VRK2: variants seen among roughly 807,000 people sequenced by gnomAD.
VRK2 encodes VRK serine/threonine kinase 2.
A neutral mutation model predicts 57.6 loss-of-function variants in VRK2; 60 were observed. The observed-to-expected ratio is 1.04, with a 90% CI of 0.85 to 1.29. The LOEUF is 1.29. VRK2 is among the 50% of genes most tolerant of loss of function. VRK2 has a pLI of 0.00. For missense variants in VRK2, 705 were observed against 588.1 expected (o/e 1.20, Z -2.06); for synonymous variants, 231 against 199.2 (o/e 1.16, Z -1.35).
chr2:58,158,684 C>T (rs1267069269), intron 12 of VRK2, among the ~76,000 whole-genome samples: 2 of 152,154 alleles, frequency 1.3e-5, no homozygotes, highest in East Asian at 1.9e-4. Context: ...GATCAGGAAA[C>T]TGATTCCTGG....
chr2:58,099,224 C>G (rs1307971213), intron 7 of VRK2, among the ~76,000 whole-genome samples: 1 of 151,978 alleles, frequency 6.6e-6, no homozygotes, highest in Non-Finnish European at 1.5e-5. Context: ...TGCAGATGCT[C>G]ACATCTGGAA....
chr2:58,151,488 T>C (rs910592150), intron 12 of VRK2, among the ~76,000 whole-genome samples: 1 of 151,768 alleles, frequency 6.6e-6, no homozygotes, highest in African/African-American at 2.4e-5. Context: ...GTAACTAGCA[T>C]ATAGTTGAGC....
chr2:58,001,944 T>C (rs1439873450), intron 1 of VRK2, among the ~76,000 whole-genome samples: 4 of 152,188 alleles, frequency 2.6e-5, no homozygotes, highest in African/African-American at 9.7e-5. Flanking sequence ...GATCATGATA[T>C]TCATACCTTT....
intron 2 of VRK2, among the ~76,000 whole-genome samples, chr2:58,054,166 G>T (rs1676169052): frequency 1.3e-5 from 2 of 151,958 alleles, no homozygotes; most frequent in Admixed American, 1.3e-4. Flanking sequence ...TCCATTAAAA[G>T]GGAGATTTAT....
rs754781663 is a variant in VRK2, at chr2:58,049,002, T to C, written c.136+35T>C. 3 of 1,600,602 alleles carry C rather than the reference T, an allele frequency of 1.9e-6. No homozygotes were observed. In the East Asian group the frequency reaches 6.7e-5, roughly 36 times the overall value. Reference sequence around the variant, plus strand: ...AACCTTAAATTAACAATTATTCTTATATCTGTGACTGTAACCGTGATTACT... The same window carrying C: ...AACCTTAAATTAACAATTATTCTTACATCTGTGACTGTAACCGTGATTACT... On this transcript the variant is annotated intron_variant, in intron 2 of 12. Coordinates refer to ENST00000340157, the MANE Select transcript of VRK2 (RefSeq NM_006296.7).
chr2:57,923,410 A>T (rs879410220), intron 1 of VRK2, among the ~76,000 whole-genome samples: 4 of 151,924 alleles, frequency 2.6e-5, no homozygotes, highest in African/African-American at 2.4e-5. Context: ...TGTTTTTTAG[A>T]TAAAAGTCAT....
At chr2:58,114,022 T>C (rs928248576) in intron 7 of VRK2, among the ~76,000 whole-genome samples, 7 of 152,144 alleles carry the variant, frequency 4.6e-5, no homozygotes, top group Non-Finnish European at 8.8e-5. Flanking sequence ...TGGGAGAGAT[T>C]AAGCTGAAGG....
chr2:58,129,904 G>A lies in VRK2; in HGVS notation c.677-1904G>A, dbSNP rs557750940. Among the ~76,000 whole-genome samples the A allele has an allele frequency of 2.0e-5, 3 of 152,108 alleles. No individual in the cohort carries two copies. The South Asian group carries it at 6.2e-4, about 32-fold the overall frequency. ...AACAGTGGCAAAACATTCACCTAAC[G>A]GTAGTTATTAATACCGATGTGCAAA... On this transcript the variant is annotated intron_variant, in intron 8 of 12. Coordinates refer to ENST00000340157, the MANE Select transcript of VRK2 (RefSeq NM_006296.7).
intron 1 of VRK2, among the ~76,000 whole-genome samples, chr2:57,981,275 C>G (rs1672415452): frequency 6.6e-6 from 1 of 152,094 alleles, no homozygotes; most frequent in African/African-American, 2.4e-5. Flanking sequence ...AAAAAGGATT[C>G]CATTTCTCTT....
intron 1 of VRK2, among the ~76,000 whole-genome samples, chr2:57,939,851 T>C (rs1035556742): frequency 6.6e-6 from 1 of 152,210 alleles, no homozygotes; most frequent in Non-Finnish European, 1.5e-5. Context: ...AATAATTAAT[T>C]TGAAGTATCA....
chr2:57,927,320 AG>A (rs2103922001), intron 1 of VRK2, among the ~76,000 whole-genome samples: 1 of 146,866 alleles, frequency 6.8e-6, no homozygotes, highest in South Asian at 2.2e-4. Context: ...TCTATCGCCC[AG>A]GCTGGAGTCC....
At chr2:58,096,084 A>G (rs1458923243) in intron 7 of VRK2, among the ~76,000 whole-genome samples, 1 of 152,102 alleles carries the variant, frequency 6.6e-6, no homozygotes. Flanking sequence ...TTAATATGGT[A>G]TAATATATTG....
intron 1 of VRK2, among the ~76,000 whole-genome samples, chr2:57,991,426 G>C (rs1175363020): frequency 6.6e-6 from 1 of 151,842 alleles, no homozygotes; most frequent in Non-Finnish European, 1.5e-5. Context: ...GAAGAATCTG[G>C]ATATAGTTAC....
At chr2:58,115,509 T>C (rs1442745527) in intron 7 of VRK2, among the ~76,000 whole-genome samples, 1 of 151,960 alleles carries the variant, frequency 6.6e-6, no homozygotes. Context: ...AGCCGCTGCA[T>C]GCAGACATGA....
intron 1 of VRK2, among the ~76,000 whole-genome samples, chr2:58,019,781 G>A (rs1673694421): frequency 6.6e-6 from 1 of 151,518 alleles, no homozygotes; most frequent in Non-Finnish European, 1.5e-5. Flanking sequence ...AATAAATACT[G>A]CTTCAAGAAA....
intron 2 of VRK2, among the ~76,000 whole-genome samples, chr2:58,032,777 T>A (rs1674155995): frequency 6.6e-6 from 1 of 152,104 alleles, no homozygotes; most frequent in Non-Finnish European, 1.5e-5. Flanking sequence ...TTTTGCAGTC[T>A]CTCTGCTAAT....
intron 11 of VRK2, among the ~76,000 whole-genome samples, chr2:58,141,580 A>C (rs1009161432): frequency 6.6e-6 from 1 of 151,994 alleles, no homozygotes; most frequent in African/African-American, 2.4e-5. Context: ...GGATGTATAG[A>C]CAGTAAGATG....
At chr2:58,033,659 T>A (rs541307473) in intron 3 of VRK2, 1 of 152,186 alleles carries the variant, frequency 6.6e-6, no homozygotes, top group East Asian at 1.9e-4. Context: ...AGTAAAAATA[T>A]CCTCTTTAAT....
At position 58,123,212 on chromosome 2, in the gene VRK2, T is replaced by G; in HGVS notation, c.655T>G (p.Leu219Val). 6.3e-7 allele frequency: 1 copy of G among 1,586,178 alleles called. No individual in the cohort carries two copies. The highest frequency in any genetic ancestry group is 8.5e-7 in the Non-Finnish European group (1 of 1,172,834). The change falls in exon 8 of 13, where the codon TTG becomes GTG. Residue 219 changes from leucine (L) to valine (V), a missense_variant. Physicochemically the swap from Leu to Val is conservative, Grantham distance 32. Transcript: ENST00000340157. Reference sequence around the variant, plus strand: ...TAATGGGACAATAGAGTTTACCAGCTTGGATGCCCACAAGGGAGTAGGTGG... The same window carrying G: ...TAATGGGACAATAGAGTTTACCAGCGTGGATGCCCACAAGGGAGTAGGTGG... ...GHNGTIEFTS[L>V]DAHKGVALSR...
Sources: gnomAD v4.1 joint callset for allele counts (sites outside exome capture counted in the v4.1 genomes callset) on GRCh38, gnomAD v4.1.1 for gene constraint, MANE v1.5 for transcripts, NCBI Gene and HGNC (gene_info 2026-07-23, HGNC 2026-07-21) for gene names.